FYN: variants seen among roughly 807,000 people sequenced by gnomAD.
FYN encodes the protein tyrosine-protein kinase Fyn.
In FYN, 10 loss-of-function variants were observed where a neutral mutation model predicts 70.2. The observed-to-expected ratio is 0.14, with a 90% CI of 0.09 to 0.24. The LOEUF (loss-of-function observed/expected upper bound fraction) is 0.24, where lower values mean the gene tolerates loss of function less well. FYN is among the 10% of genes least tolerant of loss of function. FYN has a pLI of 1.00. For missense variants in FYN, 319 were observed against 673.1 expected (o/e 0.47, Z 5.82); for synonymous variants, 236 against 248.6 (o/e 0.95, Z 0.48).
intron 3 of FYN, among the ~76,000 whole-genome samples, chr6:111,760,821 T>A (rs1465607545): frequency 6.6e-6 from 1 of 152,194 alleles, no homozygotes; most frequent in Non-Finnish European, 1.5e-5. Flanking sequence ...TTGATTCCAG[T>A]CTCACTTTGA....
At chr6:111,853,332 A>C (rs1773736182) in intron 1 of FYN, among the ~76,000 whole-genome samples, 1 of 151,402 alleles carries the variant, frequency 6.6e-6, no homozygotes, top group South Asian at 2.1e-4. Context: ...GAATTTGCTT[A>C]CTGGCATGGA....
chr6:111,842,154 C>T (rs998638744), intron 2 of FYN, among the ~76,000 whole-genome samples: 8 of 152,262 alleles, frequency 5.3e-5, no homozygotes, highest in Admixed American at 2.0e-4. Context: ...CACTCCGTTG[C>T]CTGATCACCA....
chr6:111,769,487 T>C (rs1803357846), intron 3 of FYN, among the ~76,000 whole-genome samples: 1 of 152,158 alleles, frequency 6.6e-6, no homozygotes. Flanking sequence ...TTAGTGGAAA[T>C]GGAATCTAAC....
At chr6:111,771,598 A>G (rs1261409768) in intron 3 of FYN, among the ~76,000 whole-genome samples, 1 of 152,226 alleles carries the variant, frequency 6.6e-6, no homozygotes, top group Non-Finnish European at 1.5e-5. Flanking sequence ...AAAAACAAAC[A>G]TACAAACAAA....
intron 1 of FYN, among the ~76,000 whole-genome samples, chr6:111,857,248 C>T (rs1386893531): frequency 1.3e-5 from 2 of 152,162 alleles, no homozygotes; most frequent in Non-Finnish European, 2.9e-5. Flanking sequence ...TAAAAATTCT[C>T]CTCTAATCTC....
chr6:111,669,438 C>CAAAAAAAAAAAAAAAAA (rs10690295), intron 13 of FYN, among the ~76,000 whole-genome samples: 1 of 56,868 alleles, frequency 1.8e-5, no homozygotes, highest in African/African-American at 6.5e-5. Flanking sequence ...CCATCCATCT[C>CAAAAAAAAAAAAAAAAA]AAAAAAAAAA....
intron 3 of FYN, among the ~76,000 whole-genome samples, chr6:111,723,987 C>T (rs542337526): frequency 6.6e-6 from 1 of 152,290 alleles, no homozygotes; most frequent in South Asian, 2.1e-4. Context: ...AGGGCATTTT[C>T]ACCAATTGGA....
intron 12 of FYN, among the ~76,000 whole-genome samples, chr6:111,685,744 C>T (rs1222688046): frequency 3.3e-5 from 5 of 152,166 alleles, no homozygotes; most frequent in South Asian, 2.1e-4. Context: ...TACCAAGAAA[C>T]GTGGGCTGCA....
At chr6:111,670,229 CCTCTG>C (rs1250400377) in intron 13 of FYN, among the ~76,000 whole-genome samples, 1 of 152,148 alleles carries the variant, frequency 6.6e-6, no homozygotes, top group Non-Finnish European at 1.5e-5. Context: ...CCTCCTGCTC[CCTCTG>C]CTCCAGCCAT....
At chr6:111,837,035 C>T (rs1773208718) in intron 2 of FYN, among the ~76,000 whole-genome samples, 1 of 151,980 alleles carries the variant, frequency 6.6e-6, no homozygotes, top group Non-Finnish European at 1.5e-5. Flanking sequence ...GTTTTTTGTC[C>T]TACCAGTTCA....
At chr6:111,671,784 T>G (rs954623730) in intron 13 of FYN, among the ~76,000 whole-genome samples, 6 of 152,180 alleles carry the variant, frequency 3.9e-5, no homozygotes, top group African/African-American at 1.2e-4. Flanking sequence ...CACAGTGACA[T>G]CTGAAGGAAG....
At chr6:111,743,778 C>G (rs1170573216) in intron 3 of FYN, among the ~76,000 whole-genome samples, 3 of 152,216 alleles carry the variant, frequency 2.0e-5, no homozygotes, top group Non-Finnish European at 4.4e-5. Context: ...TGTTTAAGAT[C>G]TGGAGTGACT....
chr6:111,872,635 C>CG (rs909814644), intron 1 of FYN, among the ~76,000 whole-genome samples: 5 of 152,054 alleles, frequency 3.3e-5, no homozygotes, highest in South Asian at 2.1e-4. Context: ...CCAGTCCCCG[C>CG]GGGGGGCCCC....
At chr6:111,731,038 A>C (rs1389342528) in intron 3 of FYN, among the ~76,000 whole-genome samples, 3 of 152,084 alleles carry the variant, frequency 2.0e-5, no homozygotes, top group Non-Finnish European at 4.4e-5. Flanking sequence ...CCACAAGAAA[A>C]CACATTAGCA....
Position 111,703,051 on chromosome 6 carries a change from G to C in FYN, c.548-17C>G, listed in dbSNP as rs747341065. 45 of 1,611,426 alleles carry C rather than the reference G, an allele frequency of 2.8e-5. 1 individual carries two copies. The South Asian group carries it at 4.9e-4, about 17-fold the overall frequency. Reference sequence around the variant, plus strand: ...AATAGGCACCTGGTAAACGTGGAAAGCATTAGCAGCTCCAATCATTTAGAG... The same window carrying C: ...AATAGGCACCTGGTAAACGTGGAAACCATTAGCAGCTCCAATCATTTAGAG... On this transcript the variant is annotated splice_polypyrimidine_tract_variant and intron_variant, in intron 7 of 13. Transcript: ENST00000354650.
chr6:111,841,973 T>C (rs1773372754), intron 2 of FYN, among the ~76,000 whole-genome samples: 2 of 147,668 alleles, frequency 1.4e-5, no homozygotes, highest in Non-Finnish European at 1.5e-5. Flanking sequence ...ATTCTAAGCA[T>C]GTCCCTTCCT....
At chr6:111,807,592 C>T (rs1772188949) in intron 2 of FYN, among the ~76,000 whole-genome samples, 1 of 152,180 alleles carries the variant, frequency 6.6e-6, no homozygotes, top group Admixed American at 6.5e-5. Context: ...ATCTAGTCAC[C>T]TGTTCAGAGG....
intron 9 of FYN, among the ~76,000 whole-genome samples, chr6:111,698,037 CTATT>C (rs150140493): frequency 0.017 from 2,552 of 152,254 alleles, 71 homozygotes; most frequent in African/African-American, 0.057. Flanking sequence ...TGTCTACTAC[CTATT>C]TATCCACCTA....
chr6:111,840,013 A>C (rs549108305), intron 2 of FYN, among the ~76,000 whole-genome samples: 1 of 152,352 alleles, frequency 6.6e-6, no homozygotes, highest in East Asian at 1.9e-4. Context: ...TCTGAGAAAG[A>C]AGACAGGCGT....
Sources: gnomAD v4.1 joint callset for allele counts (sites outside exome capture counted in the v4.1 genomes callset) on GRCh38, gnomAD v4.1.1 for gene constraint, MANE v1.5 for transcripts, NCBI Gene and HGNC (gene_info 2026-07-23, HGNC 2026-07-21) for gene names.